Variants in ABLIM2 observed in about 807,000 individuals in gnomAD.
The protein encoded by ABLIM2 is actin-binding LIM protein 2.
Under a neutral mutation model 97.7 loss-of-function variants are expected in ABLIM2, and 53 were observed. The observed-to-expected ratio is 0.54, with a 90% CI of 0.44 to 0.68. The LOEUF is 0.68. Ranked by LOEUF, ABLIM2 falls within the 30% of genes least tolerant of loss-of-function variation. The pLI, the probability that ABLIM2 is intolerant of heterozygous loss-of-function variation, is 0.00. For synonymous variants in ABLIM2, 361 were observed against 345.8 expected, an observed-to-expected ratio of 1.04 and a Z score of -0.49; for missense variants, 835 against 867.2, an observed-to-expected ratio of 0.96 and a Z score of 0.47.
chr4:8,002,261 C>T lies in ABLIM2; in HGVS notation c.1618+5798G>A, dbSNP rs766879612. Among the ~76,000 whole-genome samples, 2 of 152,188 alleles carry T rather than the reference C, an allele frequency of 1.3e-5. No homozygotes were observed. The highest frequency in any genetic ancestry group is 1.3e-4 in the Admixed American group (2 of 15,276). ...CTCCAAGCCAACATGAAGACACCCACCTGTTCTCATCCCATCTCTGAATAA... is the reference window on the plus strand; with the variant it reads ...CTCCAAGCCAACATGAAGACACCCATCTGTTCTCATCCCATCTCTGAATAA... On this transcript the variant is annotated intron_variant, in intron 16 of 20. Coordinates refer to ENST00000447017, the MANE Select transcript of ABLIM2 (RefSeq NM_001130083.2). The surrounding 1 kb of genome is among the most constrained non-coding windows in gnomAD (Gnocchi z 6.1).
chr4:8,094,944 TCC>T (rs765178046), intron 3 of ABLIM2, among the ~76,000 whole-genome samples: 36,541 of 142,828 alleles, frequency 0.26, 4,868 homozygotes, highest in East Asian at 0.33. Flanking sequence ...TTTCTTCCTT[TCC>T]TCCCTTCCTT....
At chr4:8,152,459 C>T (rs1023398020) in intron 1 of ABLIM2, among the ~76,000 whole-genome samples, 3 of 152,336 alleles carry the variant, frequency 2.0e-5, no homozygotes, top group East Asian at 3.9e-4. Context: ...GGCCCAGGGC[C>T]CCAGGGCGGC....
chr4:8,149,476 C>T lies in ABLIM2; in HGVS notation c.10+9204G>A, dbSNP rs1405126619. On this transcript the variant is annotated intron_variant, in intron 1 of 20. Coordinates refer to ENST00000447017, the MANE Select transcript of ABLIM2 (RefSeq NM_001130083.2). This position sits in a 1 kb window ranked among gnomAD's most constrained non-coding sequence, Gnocchi z 6.4. Reference sequence around the variant, plus strand: ...AGGCACAAATCTCCACAGGAAACCCCAGCTTGGTCTGTGTCCACAGGTTCA... The same window carrying T: ...AGGCACAAATCTCCACAGGAAACCCTAGCTTGGTCTGTGTCCACAGGTTCA... Among the ~76,000 whole-genome samples the T allele has an allele frequency of 6.6e-6, 1 of 151,902 alleles. No homozygotes were observed. Among genetic ancestry groups the T allele is most frequent in the Admixed American group, 6.6e-5 (1 of 15,238 alleles).
intron 6 of ABLIM2, among the ~76,000 whole-genome samples, chr4:8,063,509 C>T (rs1434610629): frequency 1.3e-5 from 2 of 152,238 alleles, no homozygotes; most frequent in African/African-American, 4.8e-5. Context: ...ATTACTCTCA[C>T]TGACCATAAC....
intron 1 of ABLIM2, among the ~76,000 whole-genome samples, chr4:8,119,054 A>G (rs1326093356): frequency 1.3e-5 from 2 of 152,172 alleles, no homozygotes; most frequent in African/African-American, 4.8e-5. Flanking sequence ...GGCTTTGTCT[A>G]CAGTCCCATG....
chr4:8,090,252 A>G (rs1029893810), intron 3 of ABLIM2, among the ~76,000 whole-genome samples: 3 of 152,158 alleles, frequency 2.0e-5, no homozygotes, highest in Non-Finnish European at 4.4e-5. Context: ...CTTGAGACAG[A>G]GTGGGAGCCC....
At chr4:8,156,625 A>T (rs1533508) in intron 1 of ABLIM2, among the ~76,000 whole-genome samples, 1 of 152,092 alleles carries the variant, frequency 6.6e-6, no homozygotes, top group African/African-American at 2.4e-5. Context: ...CCTGGGCTCT[A>T]AGCCTTCGGC....
chr4:8,098,689 G>A (rs1277492650), intron 2 of ABLIM2, among the ~76,000 whole-genome samples: 6 of 152,212 alleles, frequency 3.9e-5, no homozygotes, highest in Admixed American at 3.9e-4. Context: ...TGTGCTGTGT[G>A]TCCCTGGGCA....
At chr4:8,017,301 ATT>A (rs199555557) in intron 14 of ABLIM2, among the ~76,000 whole-genome samples, 18 of 133,174 alleles carry the variant, frequency 1.4e-4, no homozygotes, top group African/African-American at 4.9e-4. Context: ...TATTATTATT[ATT>A]TTTTTTTTTC....
At position 8,150,056 on chromosome 4, in the gene ABLIM2, A is replaced by G. The variant is rs562265520; in HGVS notation, c.10+8624T>C. ...CTGCACCCAAGTTCCCACTGCACCT[A>G]CTCAGGGAGCCTAAATGGAGAGAGT... On this transcript the variant is annotated intron_variant, in intron 1 of 20. Coordinates refer to ENST00000447017, the MANE Select transcript of ABLIM2 (RefSeq NM_001130083.2). This position sits in a 1 kb window ranked among gnomAD's most constrained non-coding sequence, Gnocchi z 6.3. Among the ~76,000 whole-genome samples the G allele has an allele frequency of 3.3e-5, 5 of 151,888 alleles. No individual in the cohort carries two copies. The highest frequency in any genetic ancestry group is 7.2e-5 in the African/African-American group (3 of 41,406).
chr4:8,146,834 A>G (rs1257289561), intron 1 of ABLIM2, among the ~76,000 whole-genome samples: 1 of 122,110 alleles, frequency 8.2e-6, no homozygotes, highest in Non-Finnish European at 1.9e-5. Context: ...CCAGTCAACA[A>G]ATGTTTTTTT....
intron 6 of ABLIM2, among the ~76,000 whole-genome samples, chr4:8,063,950 AC>A (rs1265494943): frequency 2.0e-5 from 3 of 151,664 alleles, no homozygotes; most frequent in African/African-American, 7.3e-5. Flanking sequence ...TCCATAAATG[AC>A]CCCCTTTCTC....
chr4:7,990,128 A>G (rs1747546397), intron 17 of ABLIM2, among the ~76,000 whole-genome samples: 1 of 152,162 alleles, frequency 6.6e-6, no homozygotes, highest in South Asian at 2.1e-4. Flanking sequence ...TGAGGCCTAC[A>G]TCACTGACAT....
intron 14 of ABLIM2, among the ~76,000 whole-genome samples, chr4:8,017,344 T>G (rs1420383361): frequency 2.0e-5 from 3 of 151,720 alleles, no homozygotes; most frequent in Admixed American, 6.6e-5. Flanking sequence ...ACCCAGGCAG[T>G]GGCGCAATCC....
At chr4:8,131,852 C>A (rs1849470974) in intron 1 of ABLIM2, among the ~76,000 whole-genome samples, 1 of 139,542 alleles carries the variant, frequency 7.2e-6, no homozygotes, top group Non-Finnish European at 1.6e-5. Context: ...TCCCTGAGCA[C>A]AGCAGCCCGC....
chr4:8,137,425 C>T (rs898567064), intron 1 of ABLIM2, among the ~76,000 whole-genome samples: 6 of 152,176 alleles, frequency 3.9e-5, no homozygotes, highest in African/African-American at 1.2e-4. Flanking sequence ...CCACAGACAT[C>T]GTGCCCCATG....
At chr4:7,976,848 T>C (rs1733681843) in intron 20 of ABLIM2, among the ~76,000 whole-genome samples, 1 of 151,756 alleles carries the variant, frequency 6.6e-6, no homozygotes, top group African/African-American at 2.4e-5. Flanking sequence ...CACACACATA[T>C]ACACACATAC....
rs187711329 is a variant in ABLIM2 at position 8,112,801 on chromosome 4, C to G, written c.11-6164G>C. On this transcript the variant is annotated intron_variant, in intron 1 of 20. Transcript: ENST00000447017. This position sits in a 1 kb window ranked among gnomAD's most constrained non-coding sequence, Gnocchi z 4.2. ...CCAAGGCTAGGAGATGGTCACACGG[C>G]TAAGAGACTGAGGCCCAGCTCAGGT... 3.8e-3 allele frequency among the ~76,000 whole-genome samples: 579 copies of G among 152,296 alleles called. 2 individuals carry two copies. Among genetic ancestry groups the G allele is most frequent in the Middle Eastern group, 0.017 (5 of 294 alleles).
intron 3 of ABLIM2, among the ~76,000 whole-genome samples, chr4:8,094,242 T>C (rs1267625818): frequency 6.6e-6 from 1 of 152,228 alleles, no homozygotes; most frequent in Non-Finnish European, 1.5e-5. Flanking sequence ...ATATTTACAG[T>C]AGCTATTTTA....
Sources: gnomAD v4.1 joint callset for allele counts (sites outside exome capture counted in the v4.1 genomes callset) on GRCh38, gnomAD v4.1.1 for gene constraint, Gnocchi (gnomAD v3.1) non-coding constraint, MANE v1.5 for transcripts, NCBI Gene and HGNC (gene_info 2026-07-23, HGNC 2026-07-21) for gene names.